The following TLL2 variants were observed in gnomAD, a reference collection of about 807,000 sequenced individuals.
TLL2 encodes tolloid-like protein 2.
A neutral mutation model predicts 123.0 loss-of-function variants in TLL2; 106 were observed. The ratio of observed to expected loss-of-function variants is 0.86; its 90% CI spans 0.74 to 1.01. The LOEUF is 1.01. Ranked by LOEUF, TLL2 falls within the 50% of genes least tolerant of loss-of-function variation. TLL2 has a pLI of 0.00. For synonymous variants in TLL2, 494 were observed against 516.8 expected, an observed-to-expected ratio of 0.96 and a Z score of 0.60; for missense variants, 1,332 against 1,336.7, an observed-to-expected ratio of 1.00 and a Z score of 0.06.
At chr10:96,480,848 T>G (rs917478352) in intron 1 of TLL2, among the ~76,000 whole-genome samples, 21 of 152,192 alleles carry the variant, frequency 1.4e-4, no homozygotes, top group African/African-American at 4.6e-4. Context: ...TGCTCATAAT[T>G]TTTGTTGCCC....
intron 9 of TLL2, 140 bp downstream of exon 9, chr10:96,410,219 A>G (rs1479881360): frequency 1.6e-6 from 1 of 638,768 alleles, no homozygotes; most frequent in Non-Finnish European, 2.8e-6. Context: ...ATGAACGTAC[A>G]GCAAACAGCA....
chr10:96,373,846 G>A lies in TLL2; in HGVS notation c.2449-37C>T, dbSNP rs768236019. 6 of 1,595,126 alleles carry A rather than the reference G, an allele frequency of 3.8e-6. No individual in the cohort carries two copies. The African/African-American group carries it at 8.0e-5, about 21-fold the overall frequency. ...AGAGCAGAAAGTAAGGCAAGGGCCT[G>A]GCGTTCAGCTGGGGTGGGGGCCTCC... On this transcript the variant is annotated intron_variant, in intron 18 of 20. Coordinates refer to ENST00000357947, the MANE Select transcript of TLL2 (RefSeq NM_012465.4).
chr10:96,393,880 G>A (rs2134061814), intron 13 of TLL2, among the ~76,000 whole-genome samples: 1 of 152,090 alleles, frequency 6.6e-6, no homozygotes, highest in East Asian at 1.9e-4. Context: ...CCCACCCCTT[G>A]TTTGTCACCT....
Position 96,370,232 on chromosome 10 carries a change from C to T in TLL2, c.2746G>A (p.Glu916Lys). The T allele has an allele frequency of 1.9e-6, 3 of 1,613,758 alleles. No individual in the cohort carries two copies. Among genetic ancestry groups the T allele is most frequent in the Non-Finnish European group, 2.5e-6 (3 of 1,179,784 alleles). ...ACGATCACCCAGTCACAGCGGGCCT[C>T]GCTCGGGTAGTTGTTGTCCCCAAAC... is the stretch of plus-strand genomic sequence containing the variant. ...AQFGDNNYPSEARCDWVIVAE... is the reference protein window; with the variant it reads ...AQFGDNNYPSKARCDWVIVAE... Residue 916 changes from glutamate to lysine, a missense_variant, in exon 20 of 21, where the codon GAG (glutamate) becomes AAG (lysine). Physicochemically the swap from Glu to Lys is moderately conservative, Grantham distance 56. Transcript: ENST00000357947.
chr10:96,428,661 C>T lies in TLL2; in HGVS notation c.608G>A (p.Ser203Asn), dbSNP rs747731981. ...VTFIERTDEE[S>N]FIVFSYRTCG... ...GGTTCTGTAACTGAATACAATAAAG[C>T]TTTCCTCATCCGTCCTTTCTATGAA... is the stretch of plus-strand genomic sequence containing the variant. The change falls in exon 5 of 21, where the codon AGC (serine) becomes AAC (asparagine). Residue 203 changes from serine to asparagine, a missense_variant. By Grantham distance (46) the Ser-to-Asn change is conservative (BLOSUM62 1). Transcript: ENST00000357947. The T allele has an allele frequency of 6.2e-6, 10 of 1,614,076 alleles. No individual in the cohort carries two copies. In the East Asian group the frequency reaches 2.0e-4, roughly 32 times the overall value.
chr10:96,476,851 T>A (rs1847258646), intron 2 of TLL2, among the ~76,000 whole-genome samples: 1 of 100,910 alleles, frequency 9.9e-6, no homozygotes, highest in Non-Finnish European at 2.0e-5. Context: ...CTAATCCCTT[T>A]TATGTTACAC....
chr10:96,470,012 C>A (rs1484711341), intron 2 of TLL2, among the ~76,000 whole-genome samples: 1 of 152,004 alleles, frequency 6.6e-6, no homozygotes, highest in African/African-American at 2.4e-5. Context: ...AGCTGGACAC[C>A]CCCAAAGGTC....
chr10:96,484,945 T>C (rs1847344334), intron 1 of TLL2, among the ~76,000 whole-genome samples: 1 of 152,224 alleles, frequency 6.6e-6, no homozygotes, highest in Non-Finnish European at 1.5e-5. Context: ...ACGCTGTCCA[T>C]ATTGTGAAAT....
chr10:96,384,922 C>T (rs1329357872), intron 15 of TLL2, among the ~76,000 whole-genome samples, 155 bp from the exon 16 acceptor site: 1 of 152,302 alleles, frequency 6.6e-6, no homozygotes. Flanking sequence ...TGAATGAGCT[C>T]CAGAGGGCAC....
At chr10:96,509,115 A>G (rs963640344) in intron 1 of TLL2, among the ~76,000 whole-genome samples, 3 of 152,220 alleles carry the variant, frequency 2.0e-5, no homozygotes, top group Admixed American at 6.5e-5. Flanking sequence ...AACAGGTCCC[A>G]GGCAACAGAC....
intron 1 of TLL2, among the ~76,000 whole-genome samples, chr10:96,499,920 C>T (rs1249108471): frequency 6.6e-6 from 1 of 151,900 alleles, no homozygotes; most frequent in Non-Finnish European, 1.5e-5. Context: ...AAATACTTTT[C>T]TCCAACCAGC....
At chr10:96,375,504 G>T (rs1265387716) in intron 18 of TLL2, 4 of 152,140 alleles carry the variant, frequency 2.6e-5, no homozygotes, top group African/African-American at 9.7e-5. Context: ...ACATTTCCCA[G>T]CAGATGGCGG....
At chr10:96,411,770 T>C (rs1345009919) in intron 8 of TLL2, among the ~76,000 whole-genome samples, 1 of 152,176 alleles carries the variant, frequency 6.6e-6, no homozygotes, top group Non-Finnish European at 1.5e-5. Context: ...CAGTTACTGC[T>C]CGGAACTACT....
chr10:96,453,923 ATTACTTTAT>A (rs1455583684), intron 2 of TLL2, among the ~76,000 whole-genome samples: 2 of 152,240 alleles, frequency 1.3e-5, no homozygotes, highest in East Asian at 1.9e-4. Flanking sequence ...TGTTCAACAT[ATTACTTTAT>A]AATCAGGAAA....
chr10:96,476,245 A>ATATATATATATATTCT (rs1847249979), intron 2 of TLL2, among the ~76,000 whole-genome samples: 2 of 53,912 alleles, frequency 3.7e-5, no homozygotes, highest in African/African-American at 7.0e-5. Context: ...TATATATTTT[A>ATATATATATATATTCT]TTTTTGTTGT....
intron 19 of TLL2, 66 bp downstream of exon 19, chr10:96,373,530 T>G: frequency 6.7e-7 from 1 of 1,498,042 alleles, no homozygotes; most frequent in Non-Finnish European, 9.3e-7. Context: ...TTGTCGTGCC[T>G]TCACCATTTC....
At chr10:96,446,023 G>T in intron 3 of TLL2, 68 bp downstream of exon 3, 1 of 1,478,970 alleles carries the variant, frequency 6.8e-7, no homozygotes, top group Non-Finnish European at 9.4e-7. Context: ...TAAGTCTTAT[G>T]TCACGTGTAT....
chr10:96,451,651 G>A (rs186866780), intron 2 of TLL2, among the ~76,000 whole-genome samples: 113 of 152,226 alleles, frequency 7.4e-4, no homozygotes, highest in Non-Finnish European at 1.3e-3. Flanking sequence ...AACTTTAAAT[G>A]CCAATTGTTT....
intron 13 of TLL2, among the ~76,000 whole-genome samples, chr10:96,393,607 G>A (rs1846309794): frequency 6.6e-6 from 1 of 152,256 alleles, no homozygotes; most frequent in Admixed American, 6.5e-5. Flanking sequence ...GTGCAGGCTG[G>A]GCCAGGGTGG....
Sources: gnomAD v4.1 joint callset for allele counts (sites outside exome capture counted in the v4.1 genomes callset) on GRCh38, gnomAD v4.1.1 for gene constraint, MANE v1.5 for transcripts, NCBI Gene and HGNC (gene_info 2026-07-23, HGNC 2026-07-21) for gene names.